Variants in MLLT10 observed in about 807,000 individuals in gnomAD.
MLLT10 encodes the protein MLLT10 histone lysine methyltransferase DOT1L cofactor.
Under a neutral mutation model 129.1 loss-of-function variants are expected in MLLT10, and 30 were observed. The observed-to-expected ratio is 0.23, with a 90% CI of 0.17 to 0.32. The LOEUF (loss-of-function observed/expected upper bound fraction) is 0.32. Ranked by LOEUF, MLLT10 falls within the 10% of genes least tolerant of loss-of-function variation. The pLI is 1.00. For missense variants in MLLT10, 1,119 were observed against 1,268.3 expected (o/e 0.88, Z 1.79); for synonymous variants, 490 against 446.4 (o/e 1.10, Z -1.23).
chr10:21,680,949 T>G (rs1589611586), intron 11 of MLLT10, among the ~76,000 whole-genome samples: 1 of 151,622 alleles, frequency 6.6e-6, no homozygotes, highest in Non-Finnish European at 1.5e-5. Flanking sequence ...GAGTGAGACT[T>G]TGTCTCAAAA....
intron 4 of MLLT10, among the ~76,000 whole-genome samples, chr10:21,590,130 G>A (rs991128102): frequency 2.6e-5 from 4 of 151,898 alleles, no homozygotes; most frequent in African/African-American, 9.7e-5. Flanking sequence ...GTAGAGACAC[G>A]TCGTCTCACT....
At position 21,713,829 on chromosome 10, in the gene MLLT10, G is replaced by A. The variant is rs375028162; in HGVS notation, c.1757G>A (p.Gly586Glu). 8.1e-6 allele frequency: 13 copies of A among 1,613,884 alleles called. No individual in the cohort carries two copies. The highest frequency in any genetic ancestry group is 1.3e-5 in the African/African-American group (1 of 74,922). Reference protein sequence around the residue: ...VSFPNVVSGSGSSTPVSSSHL... With the variant: ...VSFPNVVSGSESSTPVSSSHL... ...TTTCCAAATGTAGTATCTGGCTCGG[G>A]ATCTAGTACTCCTGTCTCCAGCTCT... is the stretch of plus-strand genomic sequence containing the variant. Residue 586 changes from glycine (G) to glutamate (E), a missense_variant, in exon 14 of 23, where the codon GGA (glycine) becomes GAA (glutamate). Physicochemically the swap from Gly to Glu is moderately conservative, Grantham distance 98. Transcript: ENST00000307729.
chr10:21,608,751 G>T (rs1271536100), intron 5 of MLLT10, among the ~76,000 whole-genome samples: 3 of 151,926 alleles, frequency 2.0e-5, no homozygotes, highest in Non-Finnish European at 4.4e-5. Flanking sequence ...CTCTTCTTAA[G>T]TTTGCTAATT....
intron 4 of MLLT10, among the ~76,000 whole-genome samples, chr10:21,589,133 ATAT>A (rs775491586): frequency 1.1e-4 from 16 of 151,970 alleles, no homozygotes; most frequent in Non-Finnish European, 2.2e-4. Flanking sequence ...AGCCCCTCAT[ATAT>A]TATTATGCTG....
At chr10:21,651,285 T>C (rs537235045) in intron 8 of MLLT10, among the ~76,000 whole-genome samples, 7 of 152,250 alleles carry the variant, frequency 4.6e-5, no homozygotes, top group African/African-American at 1.7e-4. Context: ...TTGGTCAGGC[T>C]GATCCTAAAC....
intron 21 of MLLT10, among the ~76,000 whole-genome samples, chr10:21,738,139 G>A (rs756367291): frequency 8.6e-5 from 13 of 152,042 alleles, no homozygotes; most frequent in South Asian, 8.3e-4. Context: ...GTGGTGGCGC[G>A]TGTGTATAAT....
intron 3 of MLLT10, among the ~76,000 whole-genome samples, chr10:21,561,447 G>A (rs1215424590): frequency 6.6e-6 from 1 of 152,108 alleles, no homozygotes; most frequent in East Asian, 1.9e-4. Flanking sequence ...TTTTAGTAGA[G>A]ACAGGGTTTT....
chr10:21,592,341 T>A (rs1430283203), intron 4 of MLLT10, among the ~76,000 whole-genome samples: 1 of 152,194 alleles, frequency 6.6e-6, no homozygotes, highest in Non-Finnish European at 1.5e-5. Flanking sequence ...GGAAAACTTT[T>A]AAAAAATGTT....
chr10:21,665,303 G>T (rs1243198), intron 9 of MLLT10, among the ~76,000 whole-genome samples: 64 of 45,658 alleles, frequency 1.4e-3, no homozygotes, highest in African/African-American at 4.5e-3. Context: ...GTTTTTTTTG[G>T]GGGGGGGGGG....
chr10:21,572,787 G>A (rs1020884611), intron 3 of MLLT10, among the ~76,000 whole-genome samples: 1 of 151,410 alleles, frequency 6.6e-6, no homozygotes, highest in Non-Finnish European at 1.5e-5. Context: ...TAATTTTTAT[G>A]TTTTTAGTAG....
At chr10:21,703,790 C>T (rs565624448) in intron 13 of MLLT10, among the ~76,000 whole-genome samples, 10 of 151,858 alleles carry the variant, frequency 6.6e-5, no homozygotes, top group East Asian at 3.9e-4. Context: ...GTGATCCGCC[C>T]GCCTCAGCCT....
chr10:21,589,063 C>A (rs1002317346), intron 4 of MLLT10, among the ~76,000 whole-genome samples: 1 of 151,974 alleles, frequency 6.6e-6, no homozygotes, highest in Non-Finnish European at 1.5e-5. Context: ...AGGTGTGAGC[C>A]ACCATGCCCA....
At chr10:21,711,549 C>A (rs2056089079) in intron 13 of MLLT10, among the ~76,000 whole-genome samples, 1 of 150,254 alleles carries the variant, frequency 6.7e-6, no homozygotes, top group African/African-American at 2.5e-5. Flanking sequence ...TAGTGAGACC[C>A]CATCTCTTAA....
rs148268550 is a variant in MLLT10, at chr10:21,673,395, G to A, written c.1097G>A (p.Ser366Asn). The change falls in exon 11 of 23, where the codon AGT (serine) becomes AAT (asparagine). Residue 366 changes from serine to asparagine, a missense_variant. Transcript: ENST00000307729. The stretch of plus-strand genomic sequence containing the variant: ...GGCAGTGTAAAGTCATCTTCTGGAA[G>A]TTCAGTGCAGTCTCCCCAGGATTTC... ...TPGSVKSSSG[S>N]SVQSPQDFLS... 117 of 1,486,444 alleles carry A rather than the reference G, an allele frequency of 7.9e-5. No individual in the cohort carries two copies. Among genetic ancestry groups the A allele is most frequent in the Admixed American group, 3.0e-4 (15 of 50,398 alleles). 92.1% of individuals were successfully genotyped at this position (1,486,444 alleles called of 1,614,324 possible).
intron 13 of MLLT10, among the ~76,000 whole-genome samples, chr10:21,701,182 T>C (rs1457057781): frequency 1.3e-5 from 2 of 151,318 alleles, no homozygotes; most frequent in Non-Finnish European, 2.9e-5. Flanking sequence ...TTTTTCAATT[T>C]TGATTTTGCT....
At chr10:21,539,452 T>C (rs933535110) in intron 3 of MLLT10, among the ~76,000 whole-genome samples, 15 of 151,836 alleles carry the variant, frequency 9.9e-5, no homozygotes, top group Non-Finnish European at 1.8e-4. Context: ...GGTTACCTTA[T>C]TTCAGAACTT....
At chr10:21,646,287 A>G (rs1287258613) in intron 8 of MLLT10, among the ~76,000 whole-genome samples, 1 of 152,206 alleles carries the variant, frequency 6.6e-6, no homozygotes, top group Non-Finnish European at 1.5e-5. Context: ...TCATTCTGGA[A>G]CTAAACCCAG....
intron 3 of MLLT10, among the ~76,000 whole-genome samples, chr10:21,543,874 A>G (rs973872484): frequency 1.3e-5 from 2 of 152,202 alleles, no homozygotes; most frequent in Non-Finnish European, 2.9e-5. Context: ...CAAGAACCCT[A>G]ACATGGAAAT....
chr10:21,725,525 C>T (rs556160663), intron 14 of MLLT10, among the ~76,000 whole-genome samples: 4 of 152,052 alleles, frequency 2.6e-5, no homozygotes, highest in African/African-American at 9.6e-5. Context: ...TTGAGACTAA[C>T]CTGGCCAACA....
Sources: gnomAD v4.1 joint callset for allele counts (sites outside exome capture counted in the v4.1 genomes callset) on GRCh38, gnomAD v4.1.1 for gene constraint, MANE v1.5 for transcripts, NCBI Gene and HGNC (gene_info 2026-07-23, HGNC 2026-07-21) for gene names.